KSR1: variants seen among roughly 807,000 people sequenced by gnomAD.
KSR1 encodes kinase suppressor of ras.
Under a neutral mutation model 92.9 loss-of-function variants are expected in KSR1, and 35 were observed. That is an observed-to-expected ratio of 0.38 (90% CI 0.29 to 0.50). The LOEUF (loss-of-function observed/expected upper bound fraction) is 0.50. Among genes scored for constraint, KSR1 ranks in the 20% least tolerant of loss-of-function variants. The pLI, the probability that KSR1 is intolerant of heterozygous loss-of-function variation, is 0.94. For synonymous variants in KSR1, 467 were observed against 472.6 expected (o/e 0.99, Z 0.15); for missense variants, 972 against 1,158.5 (o/e 0.84, Z 2.34).
intron 1 of KSR1, among the ~76,000 whole-genome samples, chr17:27,539,653 TCAGGCA>T (rs2070886284): frequency 1.3e-5 from 2 of 152,184 alleles, no homozygotes; most frequent in Non-Finnish European, 2.9e-5. Context: ...TTCAATTGCT[TCAGGCA>T]CAGGGGAGTT....
At chr17:27,460,745 C>A (rs998529015) in intron 1 of KSR1, among the ~76,000 whole-genome samples, 1 of 152,138 alleles carries the variant, frequency 6.6e-6, no homozygotes, top group African/African-American at 2.4e-5. Flanking sequence ...CCCTATGCCT[C>A]CCAGGAGCAT....
intron 1 of KSR1, among the ~76,000 whole-genome samples, chr17:27,467,300 G>C (rs1395313670): frequency 6.6e-6 from 1 of 152,206 alleles, no homozygotes; most frequent in African/African-American, 2.4e-5. Flanking sequence ...TCTAGGCTCT[G>C]GGGGGTAGCC....
chr17:27,467,364 A>G (rs2019745827), intron 1 of KSR1, among the ~76,000 whole-genome samples: 1 of 152,218 alleles, frequency 6.6e-6, no homozygotes, highest in African/African-American at 2.4e-5. Context: ...GGCAAGGGAG[A>G]AACTTACTTT....
At chr17:27,523,101 C>T (rs2070109679) in intron 1 of KSR1, among the ~76,000 whole-genome samples, 1 of 152,146 alleles carries the variant, frequency 6.6e-6, no homozygotes, top group African/African-American at 2.4e-5. Flanking sequence ...TACACATACC[C>T]TATAGCCAAA....
chr17:27,543,176 A>G (rs2071031291), intron 1 of KSR1, among the ~76,000 whole-genome samples: 1 of 152,196 alleles, frequency 6.6e-6, no homozygotes, highest in East Asian at 1.9e-4. Flanking sequence ...CTGGTGCTAA[A>G]TGGTCTTGCT....
intron 1 of KSR1, among the ~76,000 whole-genome samples, chr17:27,550,252 C>A (rs1187689324): frequency 6.6e-6 from 1 of 152,228 alleles, no homozygotes; most frequent in Non-Finnish European, 1.5e-5. Context: ...GTTGGCCAGG[C>A]TGGTAGGAAG....
rs780005316 is a variant in KSR1 at position 27,609,164 on chromosome 17, C to T, written c.2092-32C>T. The T allele has an allele frequency of 3.8e-6, 6 of 1,598,762 alleles. No individual in the cohort carries two copies. The South Asian group carries it at 5.5e-5, about 15-fold the overall frequency. ...CAGGGTGGCACCTCCGTCATCGTTG[C>T]ACATCTTCACTCCTCCTGATGTGTC... On this transcript the variant is annotated intron_variant, in intron 15 of 20. Coordinates refer to ENST00000644974, the MANE Select transcript of KSR1 (RefSeq NM_001394583.1).
chr17:27,548,087 G>A (rs903412723), intron 1 of KSR1, among the ~76,000 whole-genome samples: 5 of 149,592 alleles, frequency 3.3e-5, no homozygotes, highest in South Asian at 2.3e-4. Context: ...GAAGTGTGTC[G>A]TTTTATACAT....
At chr17:27,510,061 ACT>A (rs1020426515) in intron 1 of KSR1, among the ~76,000 whole-genome samples, 5 of 152,166 alleles carry the variant, frequency 3.3e-5, no homozygotes, top group African/African-American at 1.2e-4. Flanking sequence ...TCCTCTTGGC[ACT>A]TGGGAACTGG....
chr17:27,548,418 T>G (rs1334491674), intron 1 of KSR1, among the ~76,000 whole-genome samples: 2 of 152,202 alleles, frequency 1.3e-5, no homozygotes, highest in African/African-American at 2.4e-5. Context: ...TTCATCATTT[T>G]TTTCTTCGTA....
chr17:27,589,599 G>A (rs1045212001), intron 6 of KSR1, among the ~76,000 whole-genome samples: 3 of 152,062 alleles, frequency 2.0e-5, no homozygotes, highest in Non-Finnish European at 4.4e-5. Context: ...CCTAAATACT[G>A]TTGGCATTCA....
At position 27,624,791 on chromosome 17, in the gene KSR1, G is replaced by C. The variant is rs533801468; in HGVS notation, c.*1399G>C. ...TCAGACTTGGGGAGGGAGGGGTGTG[G>C]CTCCCACCCCTTCCAGTTAAGACCT... On this transcript the variant is annotated 3_prime_UTR_variant, in exon 21 of 21. Coordinates refer to ENST00000644974, the MANE Select transcript of KSR1 (RefSeq NM_001394583.1). 2 of 152,244 alleles carry C rather than the reference G, an allele frequency of 1.3e-5. No individual in the cohort carries two copies. Among genetic ancestry groups the C allele is most frequent in the Admixed American group, 6.5e-5 (1 of 15,294 alleles). The allele number at this position is 152,244 out of a possible 1,614,324, so 9.4% of individuals were successfully genotyped here.
At chr17:27,566,492 G>A in intron 2 of KSR1, 2 of 399,160 alleles carry the variant, frequency 5.0e-6, no homozygotes, top group Non-Finnish European at 8.8e-6. Context: ...CAGCCAAGGT[G>A]TCCAGGGGCA....
intron 19 of KSR1, among the ~76,000 whole-genome samples, chr17:27,619,703 C>A (rs551485519): frequency 6.7e-6 from 1 of 149,020 alleles, no homozygotes; most frequent in Non-Finnish European, 1.5e-5. Context: ...AGCCTCCAGG[C>A]CTTGTCTTTT....
chr17:27,598,578 G>A (rs1337284495), intron 10 of KSR1, among the ~76,000 whole-genome samples: 1 of 152,174 alleles, frequency 6.6e-6, no homozygotes, highest in Non-Finnish European at 1.5e-5. Flanking sequence ...TGCATTGAGT[G>A]ATGGCCCATT....
At chr17:27,585,701 G>A (rs1459086951) in intron 5 of KSR1, 40 bp downstream of exon 5, 2 of 752,062 alleles carry the variant, frequency 2.7e-6, no homozygotes, top group East Asian at 2.5e-5. Context: ...CCACCTGGGA[G>A]TCGTGTGTGC....
At chr17:27,493,898 G>A (rs1284756407) in intron 1 of KSR1, among the ~76,000 whole-genome samples, 2 of 152,198 alleles carry the variant, frequency 1.3e-5, no homozygotes, top group African/African-American at 4.8e-5. Context: ...AGGTTTAGCT[G>A]TTGAATTTAC....
chr17:27,531,903 A>G (rs767183732), intron 1 of KSR1, among the ~76,000 whole-genome samples: 5 of 152,228 alleles, frequency 3.3e-5, no homozygotes, highest in African/African-American at 4.8e-5. Context: ...GTTAAATAAA[A>G]ATAGGGAACC....
Position 27,588,527 on chromosome 17 carries a change from G to T in KSR1, c.1038G>T (p.Val346=). The stretch of plus-strand genomic sequence containing the variant: ...TACGGAGGGATATCGGGCTGTCGGT[G>T]ACGCACAGGTAGGCACAGCGGGCCT... ...QMVRRDIGLS[V]THRFSTKSWL... The change falls in exon 6 of 21, where the codon GTG becomes GTT. Residue 346 remains valine (V), a synonymous_variant. Coordinates refer to ENST00000644974, the MANE Select transcript of KSR1 (RefSeq NM_001394583.1). 1 of 1,592,418 alleles carries T rather than the reference G, an allele frequency of 6.3e-7. No individual in the cohort carries two copies. Among genetic ancestry groups the T allele is most frequent in the South Asian group, 1.2e-5 (1 of 86,122 alleles).
Sources: allele counts gnomAD v4.1 joint callset (sites outside exome capture counted in the v4.1 genomes callset), GRCh38; gene constraint gnomAD v4.1.1; transcripts MANE v1.5; gene names NCBI Gene and HGNC (gene_info 2026-07-23, HGNC 2026-07-21).